The following TENM4 variants were observed in gnomAD, a reference collection of about 807,000 sequenced individuals.
TENM4 encodes the protein teneurin transmembrane protein 4.
In TENM4, 82 loss-of-function variants were observed where a neutral mutation model predicts 243.3. That is an observed-to-expected ratio of 0.34 (90% CI 0.28 to 0.40). The LOEUF is 0.40. TENM4 is among the 10% of genes least tolerant of loss of function. The pLI, the probability that TENM4 is intolerant of heterozygous loss-of-function variation, is 1.00. For synonymous variants in TENM4, 1,412 were observed against 1,456.3 expected (o/e 0.97, Z 0.69); for missense variants, 3,138 against 3,673.3 (o/e 0.85, Z 3.77).
At chr11:79,117,200 C>T (rs1323698043) in intron 4 of TENM4, among the ~76,000 whole-genome samples, 1 of 152,206 alleles carries the variant, frequency 6.6e-6, no homozygotes, top group Non-Finnish European at 1.5e-5. Context: ...CCCACTGGGC[C>T]CTGATCACAC....
intron 1 of TENM4, among the ~76,000 whole-genome samples, chr11:79,325,552 C>T (rs1856959671): frequency 6.6e-6 from 1 of 152,184 alleles, no homozygotes; most frequent in Non-Finnish European, 1.5e-5. Context: ...CTCCAAACAG[C>T]TGCATCCTCC....
chr11:79,130,819 T>C (rs916058009), intron 4 of TENM4, among the ~76,000 whole-genome samples: 1 of 151,984 alleles, frequency 6.6e-6, no homozygotes, highest in Non-Finnish European at 1.5e-5. Context: ...TGAGACTCCA[T>C]CTCAGAAAAG....
intron 4 of TENM4, among the ~76,000 whole-genome samples, chr11:79,087,514 C>A (rs1211005644): frequency 6.6e-6 from 1 of 152,206 alleles, no homozygotes; most frequent in Non-Finnish European, 1.5e-5. Flanking sequence ...TGAACTTGTA[C>A]CATCCAGCCT....
intron 6 of TENM4, among the ~76,000 whole-genome samples, chr11:78,973,072 A>T (rs1315840235): frequency 6.6e-6 from 1 of 152,256 alleles, no homozygotes; most frequent in African/African-American, 2.4e-5. Flanking sequence ...TTTGTTATCC[A>T]TTATGAAACT....
At chr11:79,015,334 C>T (rs550020401) in intron 6 of TENM4, among the ~76,000 whole-genome samples, 29 of 152,176 alleles carry the variant, frequency 1.9e-4, no homozygotes, top group Non-Finnish European at 3.8e-4. Flanking sequence ...CACTGAGTGA[C>T]GCAGGAATTA....
At chr11:78,888,491 G>A (rs918710819) in intron 9 of TENM4, among the ~76,000 whole-genome samples, 1 of 152,270 alleles carries the variant, frequency 6.6e-6, no homozygotes, top group East Asian at 1.9e-4. Flanking sequence ...TCATCTTCCT[G>A]GTCACTTATT....
At chr11:78,990,121 A>AC (rs1326833959) in intron 6 of TENM4, among the ~76,000 whole-genome samples, 3 of 151,820 alleles carry the variant, frequency 2.0e-5, no homozygotes, top group African/African-American at 7.3e-5. Context: ...TCCCAGGGTC[A>AC]CTTTAGAACT....
At chr11:79,008,056 G>T (rs1276566604) in intron 6 of TENM4, among the ~76,000 whole-genome samples, 3 of 152,156 alleles carry the variant, frequency 2.0e-5, no homozygotes, top group South Asian at 4.1e-4. Flanking sequence ...CTTGCATGCA[G>T]GGTGCTAAAA....
At chr11:79,431,589 C>T (rs1292812184) in intron 1 of TENM4, among the ~76,000 whole-genome samples, 1 of 152,202 alleles carries the variant, frequency 6.6e-6, no homozygotes, top group Non-Finnish European at 1.5e-5. Flanking sequence ...GAGTACCTGT[C>T]TCCCAGCACC....
intron 6 of TENM4, among the ~76,000 whole-genome samples, chr11:78,939,039 A>G (rs1408643756): frequency 6.6e-6 from 1 of 152,194 alleles, no homozygotes; most frequent in Non-Finnish European, 1.5e-5. Flanking sequence ...CTGTGCACAT[A>G]CAGCTCCCAT....
At chr11:78,923,851 T>TTTTTTC (rs1554978053) in intron 6 of TENM4, among the ~76,000 whole-genome samples, 1 of 150,346 alleles carries the variant, frequency 6.7e-6, no homozygotes, top group African/African-American at 2.4e-5. Flanking sequence ...TTCTTTTTTT[T>TTTTTTC]TTTTCTTTTC....
intron 1 of TENM4, among the ~76,000 whole-genome samples, chr11:79,395,481 T>C (rs1232236031): frequency 6.6e-6 from 1 of 152,172 alleles, no homozygotes; most frequent in African/African-American, 2.4e-5. Context: ...GGACCGGGCA[T>C]ACAGGGTGCT....
At chr11:78,899,565 G>GC (rs201527088) in intron 7 of TENM4, among the ~76,000 whole-genome samples, 3 of 134,058 alleles carry the variant, frequency 2.2e-5, no homozygotes, top group Admixed American at 7.4e-5. Flanking sequence ...AAAGCGGGGG[G>GC]GGGGGGAAAA....
At chr11:79,093,051 G>A (rs1860997966) in intron 4 of TENM4, among the ~76,000 whole-genome samples, 1 of 152,180 alleles carries the variant, frequency 6.6e-6, no homozygotes, top group African/African-American at 2.4e-5. Flanking sequence ...TGAGACAGGT[G>A]GTGTTAGTGA....
At chr11:79,270,046 C>T (rs1247683880) in intron 2 of TENM4, among the ~76,000 whole-genome samples, 1 of 152,122 alleles carries the variant, frequency 6.6e-6, no homozygotes, top group Non-Finnish European at 1.5e-5. Context: ...TGCAGCCCCA[C>T]TCCACCAAGA....
rs1565118687 is a variant in TENM4, at chr11:78,903,528, G to A, written c.494-5C>T. The A allele has an allele frequency of 4.5e-6, 7 of 1,545,412 alleles. No individual in the cohort carries two copies. Among genetic ancestry groups the A allele is most frequent in the African/African-American group, 2.7e-5 (2 of 72,962 alleles). On this transcript the variant is annotated splice_region_variant and splice_polypyrimidine_tract_variant and intron_variant, in intron 6 of 33. Transcript: ENST00000278550. The stretch of plus-strand genomic sequence containing the variant: ...TCTGCAGGCCGCCCGGATGATCTAG[G>A]GCACAAACATGGCGGTCAGCGGCGG...
Position 78,755,769 on chromosome 11 carries a change from T to G in TENM4, c.2756+1036A>C, listed in dbSNP as rs192858172. The stretch of plus-strand genomic sequence containing the variant: ...TACCAAGTCCTGCTGATTTCCCCTT[T>G]AAATAGAGCTTGAAAATGTCCCTTA... On this transcript the variant is annotated intron_variant, in intron 19 of 33. Transcript: ENST00000278550. Among the ~76,000 whole-genome samples, 740 of 152,198 alleles carry G rather than the reference T, an allele frequency of 4.9e-3. 4 individuals are homozygous for G. Among genetic ancestry groups the G allele is most frequent in the African/African-American group, 0.016 (683 of 41,528 alleles).
chr11:79,346,534 C>T (rs880762), intron 1 of TENM4, among the ~76,000 whole-genome samples: 90,588 of 151,916 alleles, frequency 0.6, 28,506 homozygotes, highest in African/African-American at 0.8. Context: ...CATACACACG[C>T]TTATTCTATT....
intron 6 of TENM4, among the ~76,000 whole-genome samples, chr11:78,944,340 G>A (rs1362262735): frequency 6.6e-6 from 1 of 152,074 alleles, no homozygotes; most frequent in Non-Finnish European, 1.5e-5. Flanking sequence ...AAAAGAAAAA[G>A]GCAATGATGA....
Sources: gnomAD v4.1 joint callset for allele counts (sites outside exome capture counted in the v4.1 genomes callset) on GRCh38, gnomAD v4.1.1 for gene constraint, MANE v1.5 for transcripts, NCBI Gene and HGNC (gene_info 2026-07-23, HGNC 2026-07-21) for gene names.